Variants in MARCHF6 observed in about 807,000 individuals in gnomAD.
The protein encoded by MARCHF6 is membrane associated ring-CH-type finger 6.
MARCHF6 carries 31 observed loss-of-function variants against 133.7 expected under a neutral mutation model. That is an observed-to-expected ratio of 0.23 (90% CI 0.17 to 0.31). The LOEUF (loss-of-function observed/expected upper bound fraction) is 0.31. Among genes scored for constraint, MARCHF6 ranks in the 10% least tolerant of loss-of-function variants. The pLI is 1.00. For missense variants in MARCHF6, 723 were observed against 1,121.6 expected (o/e 0.64, Z 5.08); for synonymous variants, 395 against 402.5 (o/e 0.98, Z 0.22).
chr5:10,373,766 C>T (rs1392797813), intron 1 of MARCHF6, among the ~76,000 whole-genome samples: 2 of 152,188 alleles, frequency 1.3e-5, no homozygotes, highest in South Asian at 4.1e-4. Context: ...AACCCTATGC[C>T]TGAGATCTGT....
chr5:10,397,290 T>C lies in MARCHF6; in HGVS notation c.862-3T>C. 6.4e-7 allele frequency: 1 copy of C among 1,571,872 alleles called. No homozygotes were observed. The highest frequency in any genetic ancestry group is 8.6e-7 in the Non-Finnish European group (1 of 1,164,866). On this transcript the variant is annotated splice_region_variant and splice_polypyrimidine_tract_variant and intron_variant, in intron 9 of 25. Coordinates refer to ENST00000274140, the MANE Select transcript of MARCHF6 (RefSeq NM_005885.4). ...ATGCTTTATTGATGCTTTTTTCCTTTAGGAACATGTCTTCTGGGTGGTATC... is the reference window on the plus strand; with the variant it reads ...ATGCTTTATTGATGCTTTTTTCCTTCAGGAACATGTCTTCTGGGTGGTATC...
intron 1 of MARCHF6, among the ~76,000 whole-genome samples, chr5:10,372,465 T>C (rs547977468): frequency 2.6e-5 from 4 of 152,278 alleles, no homozygotes; most frequent in African/African-American, 9.6e-5. Context: ...GCTAGGGAGA[T>C]TTTAAAGAGT....
intron 19 of MARCHF6, among the ~76,000 whole-genome samples, chr5:10,412,707 C>T (rs1228051993): frequency 6.6e-6 from 1 of 152,034 alleles, no homozygotes; most frequent in Non-Finnish European, 1.5e-5. Context: ...GTCCGATTAG[C>T]TGGGACCATG....
chr5:10,376,572 G>T (rs952280347), intron 1 of MARCHF6, among the ~76,000 whole-genome samples: 1 of 152,148 alleles, frequency 6.6e-6, no homozygotes, highest in African/African-American at 2.4e-5. Context: ...GTGCTAACCA[G>T]TTAGGTGAGC....
chr5:10,407,965 CA>C (rs1288525562), intron 17 of MARCHF6, among the ~76,000 whole-genome samples: 1,696 of 97,656 alleles, frequency 0.017, 18 homozygotes, highest in Non-Finnish European at 0.027. Flanking sequence ...CCCCCCCCCC[CA>C]AAAAAAAAAG....
chr5:10,414,605 T>C (rs1029331120), intron 20 of MARCHF6, 103 bp downstream of exon 20: 1 of 871,472 alleles, frequency 1.1e-6, no homozygotes, highest in Non-Finnish European at 1.8e-6. Context: ...GGTAGTAGTA[T>C]GATCATAGCT....
At chr5:10,367,402 T>C (rs1176363460) in intron 1 of MARCHF6, among the ~76,000 whole-genome samples, 2 of 152,212 alleles carry the variant, frequency 1.3e-5, no homozygotes, top group Non-Finnish European at 2.9e-5. Context: ...ACTCTCTTCA[T>C]ATTTTCTGTA....
Position 10,433,810 on chromosome 5 carries a change from T to C in MARCHF6, c.*126T>C. 1.3e-6 allele frequency: 1 copy of C among 746,412 alleles called. No individual in the cohort carries two copies. The highest frequency in any genetic ancestry group is 2.3e-6 in the Non-Finnish European group (1 of 433,846). 46.2% of individuals were successfully genotyped at this position (746,412 alleles called of 1,614,324 possible). A position where few individuals can be genotyped will look rare whatever the true frequency, so the allele number is the denominator to read the frequency against. On this transcript the variant is annotated 3_prime_UTR_variant, in exon 26 of 26. Transcript: ENST00000274140. ...AGTTAAATGTATTTGACTTGTGTTC[T>C]CAGCATTCAGAGAGCAGCGGTGTAA...
At chr5:10,371,551 A>C (rs531888914) in intron 1 of MARCHF6, among the ~76,000 whole-genome samples, 1 of 152,208 alleles carries the variant, frequency 6.6e-6, no homozygotes, top group Non-Finnish European at 1.5e-5. Context: ...TTTTCAAACC[A>C]TCAGATCTCA....
intron 19 of MARCHF6, among the ~76,000 whole-genome samples, 187 bp from the exon 20 acceptor site, chr5:10,414,246 T>A (rs915524020): frequency 2.0e-4 from 30 of 152,238 alleles, no homozygotes; most frequent in African/African-American, 6.5e-4. Flanking sequence ...GAATGGATAC[T>A]TATTTTCATT....
rs762064486 is a variant in MARCHF6 at position 10,370,092 on chromosome 5, ATTTTTTTTTTTTT to A, written c.20-7692_20-7680del. Among the ~76,000 whole-genome samples, 101 of 64,962 alleles carry A rather than the reference ATTTTTTTTTTTTT, an allele frequency of 1.6e-3. 1 individual carries two copies. The highest frequency in any genetic ancestry group is 2.2e-3 in the Non-Finnish European group (88 of 39,712). The allele number at this position is 64,962 out of a possible 152,430, so 42.6% of individuals were successfully genotyped here. On this transcript the variant is annotated intron_variant, in intron 1 of 25. Coordinates refer to ENST00000274140, the MANE Select transcript of MARCHF6 (RefSeq NM_005885.4). ...ATAGGTATGGGAGTATCTTACTGTG[ATTTTTTTTTTTTT>A]TTTTTTTTTTTTTGAGACAGGATCT...
chr5:10,409,784 G>A (rs993502143), intron 17 of MARCHF6, among the ~76,000 whole-genome samples: 1 of 152,138 alleles, frequency 6.6e-6, no homozygotes. Context: ...AGCAGTGGAG[G>A]CCTTGAGAAA....
intron 5 of MARCHF6, among the ~76,000 whole-genome samples, chr5:10,388,302 A>C (rs539028930): frequency 1.3e-5 from 2 of 152,330 alleles, no homozygotes; most frequent in East Asian, 1.9e-4. Flanking sequence ...TTCTGATAGC[A>C]GTTGTGACCA....
chr5:10,354,688 A>C (rs948743019), intron 1 of MARCHF6: 11 of 152,342 alleles, frequency 7.2e-5, no homozygotes, highest in Middle Eastern at 3.4e-3. Context: ...GATTATTTTT[A>C]ACCAGCTGTG....
intron 1 of MARCHF6, among the ~76,000 whole-genome samples, chr5:10,361,692 C>G (rs1391469819): frequency 6.6e-6 from 1 of 152,146 alleles, no homozygotes; most frequent in Non-Finnish European, 1.5e-5. Context: ...CCATGATAGA[C>G]ATGAATTCTT....
chr5:10,430,121 C>A, intron 25 of MARCHF6, 93 bp downstream of exon 25: 1 of 1,401,156 alleles, frequency 7.1e-7, no homozygotes, highest in South Asian at 1.3e-5. Flanking sequence ...GAAACATGCT[C>A]AGATTCTGGA....
intron 1 of MARCHF6, among the ~76,000 whole-genome samples, chr5:10,369,705 C>T (rs867705019): frequency 6.8e-6 from 1 of 146,660 alleles, no homozygotes; most frequent in Middle Eastern, 3.7e-3. Context: ...CCCTATCATT[C>T]TGCTTTTTCC....
chr5:10,407,638 C>T (rs1245185186), intron 17 of MARCHF6, among the ~76,000 whole-genome samples: 1 of 152,074 alleles, frequency 6.6e-6, no homozygotes, highest in African/African-American at 2.4e-5. Context: ...GTAGATGGAA[C>T]ATCTTTTTTG....
chr5:10,374,722 G>A (rs1736669339), intron 1 of MARCHF6, among the ~76,000 whole-genome samples: 1 of 152,262 alleles, frequency 6.6e-6, no homozygotes, highest in East Asian at 1.9e-4. Flanking sequence ...GTGTAGTTAC[G>A]AACATAAATG....
Sources: allele counts gnomAD v4.1 joint callset (sites outside exome capture counted in the v4.1 genomes callset), GRCh38; gene constraint gnomAD v4.1.1; transcripts MANE v1.5; gene names NCBI Gene and HGNC (gene_info 2026-07-23, HGNC 2026-07-21).